PTPRA: variants seen among roughly 807,000 people sequenced by gnomAD.
PTPRA encodes receptor-type tyrosine-protein phosphatase alpha.
Under a neutral mutation model 104.8 loss-of-function variants are expected in PTPRA, and 25 were observed. The ratio of observed to expected loss-of-function variants is 0.24; its 90% CI spans 0.17 to 0.33. PTPRA has a LOEUF of 0.33. PTPRA is among the 10% of genes least tolerant of loss of function. The pLI is 1.00. For synonymous variants in PTPRA, 323 were observed against 368.9 expected (o/e 0.88, Z 1.43); for missense variants, 765 against 1,015.3 (o/e 0.75, Z 3.35).
chr20:2,934,171 A>G (rs1285770849), intron 2 of PTPRA, among the ~76,000 whole-genome samples: 1 of 152,084 alleles, frequency 6.6e-6, no homozygotes, highest in Non-Finnish European at 1.5e-5. Flanking sequence ...TGGCACAATC[A>G]TGGCTCACTG....
At chr20:2,922,609 T>C (rs1308256255) in intron 1 of PTPRA, among the ~76,000 whole-genome samples, 2 of 152,038 alleles carry the variant, frequency 1.3e-5, no homozygotes, top group African/African-American at 2.4e-5. Context: ...CCCAAAGTGC[T>C]GGGATTATAG....
At chr20:3,015,343 C>A (rs1316445260) in intron 11 of PTPRA, among the ~76,000 whole-genome samples, 2 of 146,244 alleles carry the variant, frequency 1.4e-5, no homozygotes, top group Non-Finnish European at 3.0e-5. Flanking sequence ...TGCTCTGTCA[C>A]CAAGGCTGGA....
intron 12 of PTPRA, among the ~76,000 whole-genome samples, chr20:3,016,601 G>C (rs779530463): frequency 6.6e-6 from 1 of 152,134 alleles, no homozygotes; most frequent in Admixed American, 6.5e-5. Flanking sequence ...TTAGCCAGGC[G>C]TGGTGGCACA....
At chr20:2,956,661 AAAAT>A (rs3055404) in intron 3 of PTPRA, among the ~76,000 whole-genome samples, 2,632 of 150,438 alleles carry the variant, frequency 0.017, 67 homozygotes, top group African/African-American at 0.058. Flanking sequence ...TCAGTAAATA[AAAAT>A]AAATAAATAA....
At chr20:2,895,247 T>C (rs888415449) in intron 1 of PTPRA, among the ~76,000 whole-genome samples, 1 of 151,542 alleles carries the variant, frequency 6.6e-6, no homozygotes, top group African/African-American at 2.4e-5. Context: ...AGCTAATTTT[T>C]GTATTTTTGG....
At chr20:2,878,904 A>C (rs1386122759) in intron 1 of PTPRA, among the ~76,000 whole-genome samples, 1 of 149,800 alleles carries the variant, frequency 6.7e-6, no homozygotes, top group East Asian at 2.0e-4. Flanking sequence ...ACTGAAGCCA[A>C]CTTGTGGTTG....
chr20:2,976,546 T>G (rs1334249950), intron 6 of PTPRA, among the ~76,000 whole-genome samples: 1 of 152,226 alleles, frequency 6.6e-6, no homozygotes, highest in Non-Finnish European at 1.5e-5. Flanking sequence ...TTGTGACATA[T>G]GTAAAGTCTA....
intron 13 of PTPRA, among the ~76,000 whole-genome samples, 168 bp downstream of exon 13, chr20:3,018,081 A>G (rs1410400937): frequency 6.6e-6 from 1 of 152,062 alleles, no homozygotes; most frequent in African/African-American, 2.4e-5. Flanking sequence ...CCAGATATGA[A>G]CCTCAGGTGT....
chr20:2,923,915 ATAGTT>A (rs1568655345), intron 2 of PTPRA, among the ~76,000 whole-genome samples: 1 of 152,228 alleles, frequency 6.6e-6, no homozygotes, highest in African/African-American at 2.4e-5. Flanking sequence ...AACCAACTCT[ATAGTT>A]TTAGAAAACT....
At chr20:2,870,369 C>CA (rs922217739), upstream of PTPRA, among the ~76,000 whole-genome samples, 23 of 149,758 alleles carry the variant, frequency 1.5e-4, no homozygotes, top group Middle Eastern at 3.4e-3. Flanking sequence ...AACTCCGTCT[C>CA]AAAAAAAAGA....
intron 1 of PTPRA, among the ~76,000 whole-genome samples, chr20:2,882,358 T>A (rs1386800016): frequency 6.6e-6 from 1 of 151,354 alleles, no homozygotes; most frequent in East Asian, 1.9e-4. Flanking sequence ...GGCACCATCA[T>A]GGTTCACTGC....
the PTPRA span, chr20:2,865,589 G>A: frequency 1.7e-6 from 2 of 1,170,600 alleles, no homozygotes; most frequent in East Asian, 2.5e-5. The surrounding 1 kb of genome is among the most constrained non-coding windows in gnomAD (Gnocchi z 5.2). Context: ...GCCCGTTCAT[G>A]CTCCTGTTCA....
intron 3 of PTPRA, among the ~76,000 whole-genome samples, chr20:2,954,797 C>G (rs1170964664): frequency 6.6e-6 from 1 of 152,120 alleles, no homozygotes; most frequent in Non-Finnish European, 1.5e-5. Flanking sequence ...AAGCTTTGCC[C>G]TCTGTTTCCT....
rs398061270 is a variant in PTPRA, at chr20:2,944,039, CTTTTTTTTTT to C, written c.-49-3932_-49-3923del. Reference sequence around the variant, plus strand: ...GTAGCTGTTTGGTTCCTCTACTGGTCTTTTTTTTTTTTTTTTTTTTAGACAGGGTCTCACT... The same window carrying C: ...GTAGCTGTTTGGTTCCTCTACTGGTCTTTTTTTTTTAGACAGGGTCTCACT... On this transcript the variant is annotated intron_variant, in intron 2 of 23. Transcript: ENST00000399903. Among the ~76,000 whole-genome samples, 375 of 127,580 alleles carry C rather than the reference CTTTTTTTTTT, an allele frequency of 2.9e-3. 3 individuals are homozygous for C. Among genetic ancestry groups the C allele is most frequent in the Non-Finnish European group, 4.6e-3 (274 of 59,374 alleles). 83.7% of individuals were successfully genotyped at this position (127,580 alleles called of 152,430 possible). A position where few individuals can be genotyped will look rare whatever the true frequency, so the allele number is the denominator to read the frequency against.
At chr20:2,902,361 T>G (rs562074850) in intron 1 of PTPRA, among the ~76,000 whole-genome samples, 51 of 152,350 alleles carry the variant, frequency 3.3e-4, no homozygotes, top group African/African-American at 9.1e-4. Context: ...AAGCTTGCTT[T>G]CTTTCTTTTT....
intron 9 of PTPRA, among the ~76,000 whole-genome samples, chr20:2,992,217 C>T (rs890854869): frequency 6.6e-6 from 1 of 152,142 alleles, no homozygotes; most frequent in African/African-American, 2.4e-5. Context: ...AATTGAATCT[C>T]ATAATACCTA....
chr20:2,904,682 AAAAG>A (rs1264154913), intron 1 of PTPRA, among the ~76,000 whole-genome samples: 2 of 151,842 alleles, frequency 1.3e-5, no homozygotes, highest in African/African-American at 2.4e-5. Context: ...AAAAAAAAAA[AAAAG>A]AATAGGCAAA....
intron 9 of PTPRA, among the ~76,000 whole-genome samples, chr20:2,991,823 A>G (rs1435133480): frequency 1.3e-5 from 2 of 152,248 alleles, no homozygotes; most frequent in African/African-American, 2.4e-5. Flanking sequence ...TCTTGTGAGC[A>G]TTCACATGGA....
chr20:2,900,039 G>A (rs987498038), intron 1 of PTPRA, among the ~76,000 whole-genome samples: 3 of 152,206 alleles, frequency 2.0e-5, no homozygotes, highest in Non-Finnish European at 4.4e-5. Context: ...GAACCCAGGA[G>A]GTGGGGGCTG....
Sources: allele counts gnomAD v4.1 joint callset (sites outside exome capture counted in the v4.1 genomes callset), GRCh38; gene constraint gnomAD v4.1.1; non-coding constraint Gnocchi (gnomAD v3.1); transcripts MANE v1.5; gene names NCBI Gene and HGNC (gene_info 2026-07-23, HGNC 2026-07-21).